Variants in CRY1 observed in about 807,000 individuals in gnomAD.
CRY1 encodes cryptochrome circadian regulator 1.
A neutral mutation model predicts 76.0 loss-of-function variants in CRY1; 45 were observed. The observed-to-expected ratio is 0.59, with a 90% CI of 0.47 to 0.76. The LOEUF (loss-of-function observed/expected upper bound fraction) is 0.76, where lower values mean the gene tolerates loss of function less well. CRY1 is among the 30% of genes least tolerant of loss of function. The probability of loss-of-function intolerance (pLI) is 0.00; values close to 1 mark genes in which losing one functional copy is unlikely to be tolerated. For synonymous variants in CRY1, 248 were observed against 244.0 expected (o/e 1.02, Z -0.15); for missense variants, 587 against 716.4 (o/e 0.82, Z 2.06).
chr12:107,061,432 T>G (rs1953045654), intron 1 of CRY1, among the ~76,000 whole-genome samples: 1 of 151,684 alleles, frequency 6.6e-6, no homozygotes, highest in African/African-American at 2.4e-5. Context: ...GAGTACAGAG[T>G]TCAGTGGCGT....
intron 1 of CRY1, among the ~76,000 whole-genome samples, chr12:107,079,858 A>G (rs923791460): frequency 7.9e-5 from 12 of 152,278 alleles, no homozygotes; most frequent in South Asian, 6.2e-4. Flanking sequence ...GGGTAAAGAA[A>G]TGTCATTAAA....
intron 7 of CRY1, among the ~76,000 whole-genome samples, chr12:106,999,217 A>C (rs906222066): frequency 1.3e-5 from 2 of 152,132 alleles, no homozygotes; most frequent in African/African-American, 4.8e-5. Flanking sequence ...TATCTCTAGG[A>C]ACTCTTTAGT....
chr12:107,011,773 T>C (rs1256503870), intron 2 of CRY1, among the ~76,000 whole-genome samples: 2 of 152,240 alleles, frequency 1.3e-5, no homozygotes, highest in Non-Finnish European at 2.9e-5. Flanking sequence ...AAGTAGCAAG[T>C]TATCCAGATC....
intron 1 of CRY1, among the ~76,000 whole-genome samples, chr12:107,031,489 T>C (rs1350455852): frequency 1.4e-5 from 2 of 146,330 alleles, no homozygotes; most frequent in Admixed American, 7.0e-5. Flanking sequence ...TGAAAGAAAA[T>C]AAAATCTCTC....
chr12:107,018,541 AGCACTACT>A lies in CRY1; in HGVS notation c.267+3535_267+3542del, dbSNP rs546638764. Among the ~76,000 whole-genome samples the A allele has an allele frequency of 9.1e-4, 138 of 152,298 alleles. 5 individuals carry two copies. The South Asian group carries it at 0.028, about 31-fold the overall frequency. On this transcript the variant is annotated intron_variant, in intron 2 of 12. Coordinates refer to ENST00000008527, the MANE Select transcript of CRY1 (RefSeq NM_004075.5). ...GGCAAATGTTGCAGTGAGCCAAGAC[AGCACTACT>A]GCACTCCAGCCTGGGCAACAGAGCA...
intron 1 of CRY1, among the ~76,000 whole-genome samples, chr12:107,083,005 G>C (rs929831631): frequency 6.6e-6 from 1 of 151,872 alleles, no homozygotes; most frequent in Non-Finnish European, 1.5e-5. Flanking sequence ...AAATGATAAA[G>C]GGATATCACC....
chr12:106,999,890 TC>T, intron 6 of CRY1, 28 bp from the exon 7 acceptor site: 2 of 1,590,564 alleles, frequency 1.3e-6, no homozygotes, highest in Non-Finnish European at 1.7e-6. Context: ...AGAAGTATTA[TC>T]AGAATTTTTT....
In CRY1 at chr12:106,997,993, G is replaced by A; in HGVS notation, c.1211C>T (p.Ser404Phe). The change falls in exon 8 of 13, where the codon TCC becomes TTC. Residue 404 changes from serine (S) to phenylalanine (F), a missense_variant. Physicochemically the swap from Ser to Phe is radical, Grantham distance 155. Transcript: ENST00000008527. ...GCAGTGAAAAAACTGTTGAAAAAAG[G>A]AACTACAAGACAGCCACATCCAACT... is the stretch of plus-strand genomic sequence containing the variant. ...AGSWMWLSCS[S>F]FFQQFFHCYC... The A allele has an allele frequency of 6.2e-7, 1 of 1,614,048 alleles. No homozygotes were observed. Among genetic ancestry groups the A allele is most frequent in the Non-Finnish European group, 8.5e-7 (1 of 1,179,982 alleles).
At chr12:107,069,574 G>GTATATATATAA (rs1953154440) in intron 1 of CRY1, among the ~76,000 whole-genome samples, 1 of 108,176 alleles carries the variant, frequency 9.2e-6, no homozygotes, top group African/African-American at 4.8e-5. Context: ...TATATATAAA[G>GTATATATATAA]TATATATATA....
At chr12:107,050,874 A>G (rs1952910735) in intron 1 of CRY1, among the ~76,000 whole-genome samples, 1 of 152,068 alleles carries the variant, frequency 6.6e-6, no homozygotes, top group African/African-American at 2.4e-5. Context: ...AGGGGGCAGC[A>G]TGAAAGAAAG....
chr12:107,065,883 A>T (rs1953103988), intron 1 of CRY1, among the ~76,000 whole-genome samples: 1 of 152,230 alleles, frequency 6.6e-6, no homozygotes, highest in Admixed American at 6.5e-5. Context: ...TGCATTAAAA[A>T]ACAAGGAAGT....
chr12:107,051,526 C>A lies in CRY1; in HGVS notation c.159-29334G>T, dbSNP rs190903231. 2.0e-5 allele frequency among the ~76,000 whole-genome samples: 3 copies of A among 152,086 alleles called. No individual in the cohort carries two copies. In the East Asian group the frequency reaches 5.8e-4, roughly 29 times the overall value. ...CAGAATTCCCATCCTTGAAGCCTCC[C>A]AAATTTAATGAGAATAAGATATGGA... On this transcript the variant is annotated intron_variant, in intron 1 of 12. Transcript: ENST00000008527.
rs374081390 is a variant in CRY1 at position 107,088,515 on chromosome 12, AG to A, written c.158+4288del. ...GGAGTGCTCTTATAAAAAGGGCTGC[AG>A]GAACTTGTTTACCCCTTCTGCCATG... On this transcript the variant is annotated intron_variant, in intron 1 of 12. Coordinates refer to ENST00000008527, the MANE Select transcript of CRY1 (RefSeq NM_004075.5). Among the ~76,000 whole-genome samples the A allele has an allele frequency of 5.7e-4, 87 of 152,354 alleles. No individual in the cohort carries two copies. The East Asian group carries it at 0.014, about 24-fold the overall frequency.
intron 2 of CRY1, among the ~76,000 whole-genome samples, chr12:107,020,786 G>A (rs1566250152): frequency 1.3e-5 from 2 of 152,092 alleles, no homozygotes; most frequent in African/African-American, 2.4e-5. Context: ...GACTAATACA[G>A]TAATAAATAG....
chr12:107,002,251 A>T (rs557735143), intron 3 of CRY1, among the ~76,000 whole-genome samples: 1 of 152,320 alleles, frequency 6.6e-6, no homozygotes, highest in Non-Finnish European at 1.5e-5. Flanking sequence ...GTAAGAGGGG[A>T]AATTAGTCTA....
intron 1 of CRY1, among the ~76,000 whole-genome samples, chr12:107,076,618 G>GA (rs58432343): frequency 6.4e-3 from 637 of 99,368 alleles, no homozygotes; most frequent in Non-Finnish European, 8.7e-3. Context: ...CTGCCTCAAA[G>GA]AAAAAAAAAA....
intron 1 of CRY1, among the ~76,000 whole-genome samples, chr12:107,031,861 T>C (rs1952679132): frequency 6.6e-6 from 1 of 152,222 alleles, no homozygotes; most frequent in South Asian, 2.1e-4. Flanking sequence ...TAGATGGGAT[T>C]GTGGAAAAGA....
At chr12:107,010,894 C>G (rs902192358) in intron 2 of CRY1, among the ~76,000 whole-genome samples, 5 of 152,186 alleles carry the variant, frequency 3.3e-5, no homozygotes, top group African/African-American at 1.2e-4. Context: ...CTCTCCCTCT[C>G]CTCAGGCCTC....
At chr12:106,995,658 TTTTTA>T (rs1952226435) in intron 10 of CRY1, among the ~76,000 whole-genome samples, 1 of 152,136 alleles carries the variant, frequency 6.6e-6, no homozygotes, top group African/African-American at 2.4e-5. Flanking sequence ...TTCCCTTCAA[TTTTTA>T]TTTTAAGTTC....
Sources: allele counts gnomAD v4.1 joint callset (sites outside exome capture counted in the v4.1 genomes callset), GRCh38; gene constraint gnomAD v4.1.1; transcripts MANE v1.5; gene names NCBI Gene and HGNC (gene_info 2026-07-23, HGNC 2026-07-21).